The following ARHGEF18 variants were observed in gnomAD, a reference collection of about 807,000 sequenced individuals.
ARHGEF18 encodes the protein rho guanine nucleotide exchange factor 18.
In ARHGEF18, 93 loss-of-function variants were observed where a neutral mutation model predicts 155.7. That is an observed-to-expected ratio of 0.60 (90% CI 0.50 to 0.71). The LOEUF is 0.71. Among genes scored for constraint, ARHGEF18 ranks in the 30% least tolerant of loss-of-function variants. The pLI, the probability that ARHGEF18 is intolerant of heterozygous loss-of-function variation, is 0.00. For missense variants in ARHGEF18, 1,593 were observed against 1,816.1 expected (o/e 0.88, Z 2.23); for synonymous variants, 742 against 753.1 (o/e 0.99, Z 0.24).
At chr19:7,370,391 G>A (rs1343254101) in intron 2 of ARHGEF18, among the ~76,000 whole-genome samples, 1 of 151,948 alleles carries the variant, frequency 6.6e-6, no homozygotes, top group African/African-American at 2.4e-5. Context: ...AGCTACTCGG[G>A]AGGCTGAGGC....
At chr19:7,457,353 CTTTTTTTTTTTT>C (rs1159186670) in intron 18 of ARHGEF18, among the ~76,000 whole-genome samples, 4 of 60,234 alleles carry the variant, frequency 6.6e-5, no homozygotes, top group African/African-American at 3.2e-4. Flanking sequence ...AATCACCTCT[CTTTTTTTTTTTT>C]TTTTTTTTTT....
intron 16 of ARHGEF18, 136 bp downstream of exon 16, chr19:7,451,402 T>TA: frequency 6.8e-6 from 4 of 586,478 alleles, no homozygotes; most frequent in Non-Finnish European, 1.1e-5. Flanking sequence ...TGGGGTTCCT[T>TA]CCTTTTTTTT....
intron 9 of ARHGEF18, 59 bp downstream of exon 9, chr19:7,382,953 C>T: frequency 8.1e-7 from 1 of 1,232,418 alleles, no homozygotes; most frequent in Non-Finnish European, 1.0e-6. Flanking sequence ...GCTTGCTGCC[C>T]TTAGCCCGGG....
rs8110495 is a variant in ARHGEF18 at position 7,386,960 on chromosome 19, C to T, written c.967+3757C>T. Among the ~76,000 whole-genome samples the T allele has an allele frequency of 3.5e-3, 528 of 152,172 alleles. 3 individuals carry two copies. Among genetic ancestry groups the T allele is most frequent in the African/African-American group, 0.012 (503 of 41,550 alleles). ...TGGGCGGGACAGCGTCCAGCACCTC[C>T]TTATGAGCTTTCAGTCCCCCTGAAG... On this transcript the variant is annotated intron_variant, in intron 10 of 28. Coordinates refer to ENST00000668164, the MANE Select transcript of ARHGEF18 (RefSeq NM_001367823.1).
chr19:7,463,239 G>A lies in ARHGEF18; in HGVS notation c.2636-579G>A, dbSNP rs1483465469. Among the ~76,000 whole-genome samples the A allele has an allele frequency of 3.3e-5, 5 of 152,106 alleles. No individual in the cohort carries two copies. The highest frequency in any genetic ancestry group is 3.3e-4 in the Admixed American group (5 of 15,268). On this transcript the variant is annotated intron_variant, in intron 21 of 28. Coordinates refer to ENST00000668164, the MANE Select transcript of ARHGEF18 (RefSeq NM_001367823.1). The surrounding 1 kb of genome is among the most constrained non-coding windows in gnomAD (Gnocchi z 5.2). Reference sequence around the variant, plus strand: ...ACGGGGGTCAGTCTTTCTCCCTCCAGGCCCACTGACATCCTTCCACCCGGC... The same window carrying A: ...ACGGGGGTCAGTCTTTCTCCCTCCAAGCCCACTGACATCCTTCCACCCGGC...
chr19:7,463,924 G>A lies in ARHGEF18; in HGVS notation c.2742G>A (p.Ala914=), dbSNP rs776248849. Residue 914 remains alanine, a synonymous_variant, in exon 22 of 29, where the codon GCG becomes GCA. Coordinates refer to ENST00000668164, the MANE Select transcript of ARHGEF18 (RefSeq NM_001367823.1). The surrounding 1 kb of genome is among the most constrained non-coding windows in gnomAD (Gnocchi z 5.2). ...CGCCCAGGAGGGCTGAGACCTTCGC[G>A]GGCTACGACTGCACAAACAGCCCCA... is the stretch of plus-strand genomic sequence containing the variant. The part of the protein sequence containing the change: ...TGPPRRAETF[A]GYDCTNSPTK... The A allele has an allele frequency of 1.2e-4, 186 of 1,594,670 alleles. No homozygotes were observed. Among genetic ancestry groups the A allele is most frequent in the Admixed American group, 4.5e-4 (26 of 57,436 alleles).
Position 7,464,601 on chromosome 19 carries a change from C to T in ARHGEF18, c.2815C>T (p.Pro939Ser), listed in dbSNP as rs765477049. Reference sequence around the variant, plus strand: ...GAAAGTCAGCAGCACTGACCCCAGGCCCCGAGACTGGCGAGGCCCCCCAAA... The same window carrying T: ...GAAAGTCAGCAGCACTGACCCCAGGTCCCGAGACTGGCGAGGCCCCCCAAA... ...KKKVSSTDPR[P>S]RDWRGPPNSP... The change falls in exon 23 of 29, where the codon CCC becomes TCC. Residue 939 changes from proline to serine, a missense_variant. Physicochemically the swap from Pro to Ser is moderately conservative, Grantham distance 74. Coordinates refer to ENST00000668164, the MANE Select transcript of ARHGEF18 (RefSeq NM_001367823.1). 3.1e-6 allele frequency: 5 copies of T among 1,613,798 alleles called. No homozygotes were observed. Among genetic ancestry groups the T allele is most frequent in the African/African-American group, 1.3e-5 (1 of 74,910 alleles).
chr19:7,421,170 G>A (rs1021384585), intron 10 of ARHGEF18, among the ~76,000 whole-genome samples: 2 of 151,894 alleles, frequency 1.3e-5, no homozygotes, highest in Admixed American at 6.6e-5. Context: ...GGGCTCAAGC[G>A]ATCTGCCCAC....
At chr19:7,411,525 T>C (rs757886666) in intron 10 of ARHGEF18, among the ~76,000 whole-genome samples, 1 of 152,172 alleles carries the variant, frequency 6.6e-6, no homozygotes, top group Admixed American at 6.6e-5. Flanking sequence ...CAGGCTGGTC[T>C]TGAACTCCTG....
rs1394794847 is a variant in ARHGEF18, at chr19:7,438,521, C to T, written c.968-1823C>T. 7.9e-5 allele frequency among the ~76,000 whole-genome samples: 12 copies of T among 151,018 alleles called. No individual in the cohort carries two copies. The East Asian group carries it at 2.4e-3, about 30-fold the overall frequency. On this transcript the variant is annotated intron_variant, in intron 10 of 28. Transcript: ENST00000668164. ...CCACCTCCGGGGTTCAAACGATTCT[C>T]CTGCCTCAGCCTCCCTAGTAGCTGG...
At chr19:7,351,539 G>T (rs959838909) in intron 1 of ARHGEF18, among the ~76,000 whole-genome samples, 1 of 151,296 alleles carries the variant, frequency 6.6e-6, no homozygotes, top group Non-Finnish European at 1.5e-5. Context: ...TAGCCAGGAT[G>T]GTCTTGATCT....
Position 7,440,878 on chromosome 19 carries a change from T to C in ARHGEF18, c.1106+396T>C, listed in dbSNP as rs1974598123. Among the ~76,000 whole-genome samples the C allele has an allele frequency of 6.6e-6, 1 of 152,086 alleles. No individual in the cohort carries two copies. The highest frequency in any genetic ancestry group is 1.5e-5 in the Non-Finnish European group (1 of 68,010). On this transcript the variant is annotated intron_variant, in intron 11 of 28. Coordinates refer to ENST00000668164, the MANE Select transcript of ARHGEF18 (RefSeq NM_001367823.1). This position sits in a 1 kb window ranked among gnomAD's most constrained non-coding sequence, Gnocchi z 5.4. ...TCCCTTGATAATGCCTGCAGCGGTG[T>C]CCGGGTAGAAAGTGATGCTAGAAGC... is the stretch of plus-strand genomic sequence containing the variant.
At position 7,395,378 on chromosome 19, in the gene ARHGEF18, T is replaced by C. The variant is rs1033128337; in HGVS notation, c.967+12175T>C. ...GCCTCCCGCCGGCTCCTGGGGGACT[T>C]CTCCAGGCAGGCGAACGGGTGCTGG... is the stretch of plus-strand genomic sequence containing the variant. On this transcript the variant is annotated intron_variant, in intron 10 of 28. Coordinates refer to ENST00000668164, the MANE Select transcript of ARHGEF18 (RefSeq NM_001367823.1). The surrounding 1 kb of genome is among the most constrained non-coding windows in gnomAD (Gnocchi z 5.0). 12 of 922,514 alleles carry C rather than the reference T, an allele frequency of 1.3e-5. No homozygotes were observed. Among genetic ancestry groups the C allele is most frequent in the Non-Finnish European group, 1.6e-5 (12 of 772,794 alleles). 57.1% of individuals were successfully genotyped at this position (922,514 alleles called of 1,614,324 possible).
chr19:7,464,764 G>T, intron 23 of ARHGEF18, 74 bp downstream of exon 23: 1 of 1,575,616 alleles, frequency 6.3e-7, no homozygotes. Flanking sequence ...GCTTCTGCTG[G>T]GGTTGTCCAG....
chr19:7,479,559 G>A, the ARHGEF18 span, among the ~76,000 whole-genome samples: 1 of 152,240 alleles, frequency 6.6e-6, no homozygotes, highest in Non-Finnish European at 1.5e-5. Flanking sequence ...TGCTCCGGCA[G>A]CCCTGGGCCT....
chr19:7,379,184 C>G lies in ARHGEF18; in HGVS notation c.644+18C>G, dbSNP rs1013840306. On this transcript the variant is annotated intron_variant, in intron 7 of 28. Coordinates refer to ENST00000668164, the MANE Select transcript of ARHGEF18 (RefSeq NM_001367823.1). ...TACCATGGGTAAGTGGGAATCGGGA[C>G]AGGCTTGAGGGGAGCAAAGTGGGAG... 1 of 1,232,406 alleles carries G rather than the reference C, an allele frequency of 8.1e-7. No homozygotes were observed. The highest frequency in any genetic ancestry group is 4.2e-5 in the Admixed American group (1 of 23,704). The allele number at this position is 1,232,406 out of a possible 1,614,324, so 76.3% of individuals were successfully genotyped here. A position where few individuals can be genotyped will look rare whatever the true frequency, so the allele number is the denominator to read the frequency against.
chr19:7,459,875 G>C (rs1479845636), intron 19 of ARHGEF18, 28 bp from the exon 20 acceptor site: 1 of 1,549,016 alleles, frequency 6.5e-7, no homozygotes, highest in Non-Finnish European at 8.7e-7. Flanking sequence ...GGGAAGCACA[G>C]TTACCCACCC....
chr19:7,361,006 G>T (rs1183773349), intron 1 of ARHGEF18, among the ~76,000 whole-genome samples: 1 of 152,120 alleles, frequency 6.6e-6, no homozygotes, highest in Non-Finnish European at 1.5e-5. Flanking sequence ...AATTTACCTT[G>T]AAGCAATGGA....
rs372159388 is a variant in ARHGEF18 at position 7,444,361 on chromosome 19, C to T, written c.1518C>T (p.Leu506=). The T allele has an allele frequency of 1.5e-5, 25 of 1,613,654 alleles. No individual in the cohort carries two copies. Among genetic ancestry groups the T allele is most frequent in the Middle Eastern group, 1.6e-4 (1 of 6,062 alleles). The stretch of plus-strand genomic sequence containing the variant: ...TGCTGGAGACGCACAGCCACTTCCT[C>T]GCTCGGCTCAAGGAGCGCCGCCAGG... ...DDLLETHSHF[L]ARLKERRQES... The change falls in exon 14 of 29, where the codon CTC becomes CTT. Residue 506 remains leucine (L), a synonymous_variant. Transcript: ENST00000668164. This position sits in a 1 kb window ranked among gnomAD's most constrained non-coding sequence, Gnocchi z 4.7.
Sources: allele counts gnomAD v4.1 joint callset (sites outside exome capture counted in the v4.1 genomes callset), GRCh38; gene constraint gnomAD v4.1.1; non-coding constraint Gnocchi (gnomAD v3.1); transcripts MANE v1.5; gene names NCBI Gene and HGNC (gene_info 2026-07-23, HGNC 2026-07-21).